The following WDR72 variants were observed in gnomAD, a reference collection of about 807,000 sequenced individuals.
WDR72 encodes WD repeat-containing protein 72.
A neutral mutation model predicts 124.2 loss-of-function variants in WDR72; 120 were observed. The observed-to-expected ratio is 0.97, with a 90% CI of 0.83 to 1.12. WDR72 has a LOEUF of 1.12. WDR72 is among the 50% of genes most tolerant of loss of function. The probability of loss-of-function intolerance (pLI) is 0.00; values close to 1 mark genes in which losing one functional copy is unlikely to be tolerated. For synonymous variants in WDR72, 452 were observed against 441.7 expected (o/e 1.02, Z -0.29); for missense variants, 1,387 against 1,278.8 (o/e 1.08, Z -1.29).
At chr15:53,761,318 C>G (rs1365962929), upstream of WDR72, among the ~76,000 whole-genome samples, 5 of 152,076 alleles carry the variant, frequency 3.3e-5, no homozygotes, top group Admixed American at 2.0e-4. Flanking sequence ...CAGGCAATAA[C>G]AAATGCTGGC....
intron 1 of WDR72, among the ~76,000 whole-genome samples, chr15:53,752,877 A>T (rs1267572328): frequency 6.6e-6 from 1 of 152,122 alleles, no homozygotes; most frequent in Non-Finnish European, 1.5e-5. Flanking sequence ...GCTCCTTGAG[A>T]AAAGAATATA....
chr15:53,624,645 T>C (rs2014134703), intron 14 of WDR72, among the ~76,000 whole-genome samples: 1 of 152,274 alleles, frequency 6.6e-6, no homozygotes. Flanking sequence ...TTACATTATT[T>C]TAAAATCATA....
intron 2 of WDR72, among the ~76,000 whole-genome samples, chr15:53,729,265 C>G (rs1401717324): frequency 1.3e-5 from 2 of 152,088 alleles, no homozygotes; most frequent in Non-Finnish European, 1.5e-5. Context: ...TCCTCAAAAC[C>G]TTTCTTGAGT....
At chr15:53,573,576 C>T (rs1418043783) in intron 18 of WDR72, among the ~76,000 whole-genome samples, 3 of 150,862 alleles carry the variant, frequency 2.0e-5, no homozygotes, top group South Asian at 2.1e-4. Context: ...GACGGAGTCT[C>T]GCTCTGTCAC....
intron 18 of WDR72, among the ~76,000 whole-genome samples, chr15:53,533,287 A>G (rs1436677640): frequency 6.6e-6 from 1 of 152,168 alleles, no homozygotes; most frequent in Non-Finnish European, 1.5e-5. Context: ...CTAGTCTGAA[A>G]GTAAATCTGA....
rs868299730 is a variant in WDR72 at position 53,516,767 on chromosome 15, T to C, written c.*932A>G. On this transcript the variant is annotated 3_prime_UTR_variant, in exon 20 of 20. Transcript: ENST00000360509. ...ACATAAGATATGTAGATTAATAATTTTGATGATTTTCTGTAAATCGAGGAA... is the reference window on the plus strand; with the variant it reads ...ACATAAGATATGTAGATTAATAATTCTGATGATTTTCTGTAAATCGAGGAA... 6 of 152,242 alleles carry C rather than the reference T, an allele frequency of 3.9e-5. 1 individual carries two copies. The South Asian group carries it at 1.0e-3, about 26-fold the overall frequency. 9.4% of individuals were successfully genotyped at this position (152,242 alleles called of 1,614,324 possible).
chr15:53,546,391 A>G (rs1893460734), intron 18 of WDR72, among the ~76,000 whole-genome samples: 1 of 151,506 alleles, frequency 6.6e-6, no homozygotes, highest in South Asian at 2.1e-4. Context: ...GGAAATCATC[A>G]TTCTCAGTAA....
chr15:53,676,044 C>A (rs1170030014), intron 13 of WDR72, among the ~76,000 whole-genome samples: 1 of 152,134 alleles, frequency 6.6e-6, no homozygotes, highest in Non-Finnish European at 1.5e-5. Context: ...AGGGTACCCT[C>A]ACTATACTCC....
intron 13 of WDR72, among the ~76,000 whole-genome samples, chr15:53,688,696 C>G (rs546681829): frequency 2.0e-5 from 3 of 152,142 alleles, no homozygotes; most frequent in East Asian, 1.9e-4. Flanking sequence ...CCTTTCTTCA[C>G]AGAATTGGAA....
rs535333902 is a variant in WDR72 at position 53,628,097 on chromosome 15, C to T, written c.1963-11854G>A. Among the ~76,000 whole-genome samples the T allele has an allele frequency of 2.4e-4, 36 of 152,226 alleles. 1 individual carries two copies. The South Asian group carries it at 7.5e-3, about 32-fold the overall frequency. On this transcript the variant is annotated intron_variant, in intron 14 of 19. Coordinates refer to ENST00000360509, the MANE Select transcript of WDR72 (RefSeq NM_182758.4). ...CCAGTTGTGCTTATCACATTAATTA[C>T]ATATTTTAATAAGCTATGTACAATT...
chr15:53,635,118 C>A (rs570522386), intron 14 of WDR72, among the ~76,000 whole-genome samples: 94 of 152,214 alleles, frequency 6.2e-4, no homozygotes, highest in Non-Finnish European at 8.8e-4. Context: ...CTGACTTTAA[C>A]TTCTTTCCTC....
At chr15:53,698,263 G>A (rs565411760) in intron 13 of WDR72, among the ~76,000 whole-genome samples, 1 of 152,238 alleles carries the variant, frequency 6.6e-6, no homozygotes, top group Non-Finnish European at 1.5e-5. Context: ...AAACACTCGT[G>A]AGTGCCCAGA....
At chr15:53,678,902 C>T (rs969158172) in intron 13 of WDR72, among the ~76,000 whole-genome samples, 9 of 152,136 alleles carry the variant, frequency 5.9e-5, no homozygotes, top group African/African-American at 9.7e-5. Flanking sequence ...ATGGAAGCAA[C>T]CCAAGTGTCC....
chr15:53,589,315 C>G (rs948895884), intron 18 of WDR72, among the ~76,000 whole-genome samples: 3 of 147,498 alleles, frequency 2.0e-5, no homozygotes, highest in Admixed American at 6.9e-5. Flanking sequence ...AGTTTGTATT[C>G]AAGACTTTGT....
At chr15:53,667,321 T>C in intron 13 of WDR72, among the ~76,000 whole-genome samples, 1 of 152,108 alleles carries the variant, frequency 6.6e-6, no homozygotes, top group East Asian at 1.9e-4. Flanking sequence ...GCCACTGCAC[T>C]CCAGCCTGGG....
intron 18 of WDR72, among the ~76,000 whole-genome samples, chr15:53,545,536 G>A (rs1364780439): frequency 3.3e-5 from 5 of 151,772 alleles, no homozygotes; most frequent in African/African-American, 9.7e-5. Context: ...AGACTTAAAC[G>A]TTAGACCTAA....
intron 16 of WDR72, among the ~76,000 whole-genome samples, chr15:53,610,392 C>T (rs532984614): frequency 2.5e-3 from 383 of 151,830 alleles, no homozygotes; most frequent in African/African-American, 8.5e-3. Context: ...TATCTAGGTG[C>T]CAGATCCTGA....
intron 18 of WDR72, among the ~76,000 whole-genome samples, chr15:53,547,803 T>C (rs1022104001): frequency 2.0e-5 from 3 of 152,142 alleles, no homozygotes; most frequent in Admixed American, 6.6e-5. Flanking sequence ...GATAGAGGAA[T>C]TGATCTGGTG....
chr15:53,588,618 GATA>G (rs1313544711), intron 18 of WDR72, among the ~76,000 whole-genome samples: 1 of 151,942 alleles, frequency 6.6e-6, no homozygotes, highest in Non-Finnish European at 1.5e-5. Context: ...GGGACAAATG[GATA>G]ATTTTTCCTT....
Sources: gnomAD v4.1 joint callset for allele counts (sites outside exome capture counted in the v4.1 genomes callset) on GRCh38, gnomAD v4.1.1 for gene constraint, MANE v1.5 for transcripts, NCBI Gene and HGNC (gene_info 2026-07-23, HGNC 2026-07-21) for gene names.